The following RPS6KA3 variants were observed in gnomAD, a reference collection of about 807,000 sequenced individuals.
RPS6KA3 encodes ribosomal protein S6 kinase A3, also known as ribosomal protein S6 kinase alpha-3.
RPS6KA3 carries 4 observed loss-of-function variants against 67.2 expected under a neutral mutation model. The ratio of observed to expected loss-of-function variants is 0.06; its 90% CI spans 0.03 to 0.14. The LOEUF is 0.14. Ranked by LOEUF, RPS6KA3 falls within the 10% of genes least tolerant of loss-of-function variation. RPS6KA3 has a pLI of 1.00. For missense variants in RPS6KA3, 204 were observed against 559.0 expected, an observed-to-expected ratio of 0.36 and a Z score of 6.40; for synonymous variants, 182 against 183.7, an observed-to-expected ratio of 0.99 and a Z score of 0.07.
rs929164756 is a variant in RPS6KA3, at chrX:20,152,049, G to A, written c.*3349C>T. On this transcript the variant is annotated 3_prime_UTR_variant, in exon 22 of 22. Coordinates refer to ENST00000379565, the MANE Select transcript of RPS6KA3 (RefSeq NM_004586.3). ...AATGGTTGACCCAAACCCGCTTTTT[G>A]GAGTACACTGCATGTGAAATGTGGA... 1.6e-4 allele frequency: 18 copies of A among 112,094 alleles called. No homozygotes were observed. The highest frequency in any genetic ancestry group is 5.8e-4 in the African/African-American group (18 of 30,829). The allele number at this position is 112,094 out of a possible 1,213,427, so 9.2% of individuals were successfully genotyped here.
rs774886359 is a variant in RPS6KA3 at position 20,180,100 on chromosome X, C to CT, written c.846-3017dup. Among the ~76,000 whole-genome samples the CT allele has an allele frequency of 3.6e-3, 351 of 98,542 alleles. 1 individual carries two copies. Among genetic ancestry groups the CT allele is most frequent in the Middle Eastern group, 0.016 (3 of 190 alleles). 85.6% of individuals were successfully genotyped at this position (98,542 alleles called of 115,157 possible). A position where few individuals can be genotyped will look rare whatever the true frequency, so the allele number is the denominator to read the frequency against. ...CAAGACCTCATCTCCAAAATTTAAACTTTTTTTTTTTTTTTTAAAAGAAAA... is the reference window on the plus strand; with the variant it reads ...CAAGACCTCATCTCCAAAATTTAAACTTTTTTTTTTTTTTTTTAAAAGAAAA... On this transcript the variant is annotated intron_variant, in intron 10 of 21. Transcript: ENST00000379565.
chrX:20,174,363 T>G (rs899654939), intron 14 of RPS6KA3, among the ~76,000 whole-genome samples: 2 of 106,892 alleles, frequency 1.9e-5, no homozygotes, highest in African/African-American at 6.8e-5. Flanking sequence ...TTTTTTTTTT[T>G]TTCTGAGACA....
chrX:20,215,141 T>C (rs2068818494), intron 2 of RPS6KA3, among the ~76,000 whole-genome samples: 1 of 111,698 alleles, frequency 9.0e-6, no homozygotes, highest in South Asian at 3.7e-4. Flanking sequence ...CTTGACTTTA[T>C]CTTCCCACTT....
rs778713587 is a variant in RPS6KA3 at position 20,240,285 on chromosome X, C to CTTT, written c.70-5474_70-5472dup. On this transcript the variant is annotated intron_variant, in intron 1 of 21. Transcript: ENST00000379565. The stretch of plus-strand genomic sequence containing the variant: ...GCTGTAGGAATGAACAAGGACCATA[C>CTTT]TTTTTTTTTTTTTTTTTTTTTTTTT... Among the ~76,000 whole-genome samples the CTTT allele has an allele frequency of 3.7e-4, 20 of 54,362 alleles. 1 individual carries two copies. Among genetic ancestry groups the CTTT allele is most frequent in the African/African-American group, 1.7e-3 (18 of 10,555 alleles). 47.2% of individuals were successfully genotyped at this position (54,362 alleles called of 115,157 possible). A position where few individuals can be genotyped will look rare whatever the true frequency, so the allele number is the denominator to read the frequency against.
intron 1 of RPS6KA3, among the ~76,000 whole-genome samples, chrX:20,246,554 C>G (rs1171622951): frequency 9.0e-6 from 1 of 111,218 alleles, no homozygotes; most frequent in Non-Finnish European, 1.9e-5. Flanking sequence ...ATTCTGGTTT[C>G]CAGAGGTTTA....
rs1187541060 is a variant in RPS6KA3 at position 20,209,394 on chromosome X, C to T, written c.137G>A (p.Ser46Asn). Residue 46 changes from serine to asparagine, a missense_variant, in exon 3 of 22, where the codon AGT (serine) becomes AAT (asparagine). Coordinates refer to ENST00000379565, the MANE Select transcript of RPS6KA3 (RefSeq NM_004586.3). ...EEINPQTEEV[S>N]IKEIAITHHV... ...ATGTGTGATTGCAATTTCTTTGATA[C>T]TGACTTCTTCCTGTTGAGATAAACG... The T allele has an allele frequency of 1.8e-6, 2 of 1,129,669 alleles. No homozygotes were observed. Among genetic ancestry groups the T allele is most frequent in the Non-Finnish European group, 2.4e-6 (2 of 820,866 alleles). 93.1% of individuals were successfully genotyped at this position (1,129,669 alleles called of 1,213,427 possible). A position where few individuals can be genotyped will look rare whatever the true frequency, so the allele number is the denominator to read the frequency against.
chrX:20,242,736 T>C, intron 1 of RPS6KA3, among the ~76,000 whole-genome samples: 1 of 112,169 alleles, frequency 8.9e-6, no homozygotes, highest in South Asian at 3.7e-4. Context: ...GAATTACTGA[T>C]GTTTTATGAG....
intron 20 of RPS6KA3, among the ~76,000 whole-genome samples, chrX:20,159,305 T>C (rs896827868): frequency 8.9e-6 from 1 of 112,212 alleles, no homozygotes; most frequent in African/African-American, 3.2e-5. Flanking sequence ...GTAAAAGTGT[T>C]AGCACAGTCC....
intron 1 of RPS6KA3, among the ~76,000 whole-genome samples, chrX:20,254,240 T>A (rs1295464563): frequency 8.9e-6 from 1 of 112,462 alleles, no homozygotes; most frequent in Non-Finnish European, 1.9e-5. Context: ...AGGCATATTA[T>A]CTTCCTATTA....
intron 1 of RPS6KA3, among the ~76,000 whole-genome samples, chrX:20,243,017 A>C (rs2069590899): frequency 8.9e-6 from 1 of 111,803 alleles, no homozygotes; most frequent in African/African-American, 3.3e-5. Flanking sequence ...ACAACTATTT[A>C]CTACTTTAAA....
At chrX:20,179,255 A>C (rs1424655144) in intron 10 of RPS6KA3, among the ~76,000 whole-genome samples, 1 of 112,054 alleles carries the variant, frequency 8.9e-6, no homozygotes, top group Non-Finnish European at 1.9e-5. Context: ...TAGTTCAAAG[A>C]TGTGAAGTCA....
intron 2 of RPS6KA3, among the ~76,000 whole-genome samples, chrX:20,220,153 T>C (rs1320404255): frequency 9.0e-6 from 1 of 110,732 alleles, no homozygotes; most frequent in Non-Finnish European, 1.9e-5. Context: ...CTTCCTCCTC[T>C]ATCAAATTTT....
chrX:20,260,856 G>T (rs969318698), intron 1 of RPS6KA3, among the ~76,000 whole-genome samples: 1 of 111,588 alleles, frequency 9.0e-6, no homozygotes, highest in African/African-American at 3.3e-5. Flanking sequence ...CTTGCATAGG[G>T]TTACAAAGTT....
At chrX:20,249,760 T>C (rs1294494008) in intron 1 of RPS6KA3, among the ~76,000 whole-genome samples, 1 of 112,374 alleles carries the variant, frequency 8.9e-6, no homozygotes, top group Non-Finnish European at 1.9e-5. Flanking sequence ...AGGTCTTGAA[T>C]TTTTCAGAAG....
intron 1 of RPS6KA3, among the ~76,000 whole-genome samples, chrX:20,247,373 T>C (rs1569269033): frequency 8.9e-6 from 1 of 111,894 alleles, no homozygotes; most frequent in Non-Finnish European, 1.9e-5. Flanking sequence ...GAGGTTACAG[T>C]GAGCTGAGAT....
At chrX:20,229,250 T>C (rs2069199643) in intron 2 of RPS6KA3, among the ~76,000 whole-genome samples, 1 of 111,477 alleles carries the variant, frequency 9.0e-6, no homozygotes. Context: ...CTTGTCCTAG[T>C]CGAAAGTGGC....
chrX:20,157,018 C>A (rs1233906130), intron 20 of RPS6KA3, among the ~76,000 whole-genome samples: 1 of 111,141 alleles, frequency 9.0e-6, no homozygotes, highest in East Asian at 2.8e-4. Flanking sequence ...AGAGAATAAT[C>A]AGAAAATACT....
chrX:20,150,181 A>C lies in RPS6KA3; in HGVS notation c.*5217T>G, dbSNP rs920586143. 1 of 113,691 alleles carries C rather than the reference A, an allele frequency of 8.8e-6. No homozygotes were observed. Among genetic ancestry groups the C allele is most frequent in the African/African-American group, 3.2e-5 (1 of 31,304 alleles). 9.4% of individuals were successfully genotyped at this position (113,691 alleles called of 1,213,427 possible). A position where few individuals can be genotyped will look rare whatever the true frequency, so the allele number is the denominator to read the frequency against. On this transcript the variant is annotated 3_prime_UTR_variant, in exon 22 of 22. Transcript: ENST00000379565. ...AGCATCTGATGCGATTTAACCACCA[A>C]CAAAAGGTACAATATGTAAGAATTC...
At chrX:20,209,010 T>G (rs146738363) in intron 3 of RPS6KA3, among the ~76,000 whole-genome samples, 162 of 111,333 alleles carry the variant, frequency 1.5e-3, no homozygotes, top group African/African-American at 5.2e-3. Flanking sequence ...AGGGAATATC[T>G]TGTGATTTTT....
Sources: gnomAD v4.1 joint callset for allele counts (sites outside exome capture counted in the v4.1 genomes callset) on GRCh38, gnomAD v4.1.1 for gene constraint, MANE v1.5 for transcripts, NCBI Gene and HGNC (gene_info 2026-07-23, HGNC 2026-07-21) for gene names.